The following TRAF6 variants were observed in gnomAD, a reference collection of about 807,000 sequenced individuals.
TRAF6 encodes the protein TNF receptor associated factor 6, also known as TNF receptor-associated factor 6.
In TRAF6, 10 loss-of-function variants were observed where a neutral mutation model predicts 48.4. The observed-to-expected ratio is 0.21, with a 90% confidence interval of 0.13 to 0.35. TRAF6 has a LOEUF of 0.35. Ranked by LOEUF, TRAF6 falls within the 10% of genes least tolerant of loss-of-function variation. The pLI is 1.00. For synonymous variants in TRAF6, 186 were observed against 219.6 expected (o/e 0.85, Z 1.35); for missense variants, 397 against 661.0 (o/e 0.60, Z 4.38).
Position 36,493,764 on chromosome 11 carries a change from CA to C in TRAF6, c.679-1137del, listed in dbSNP as rs528610046. Reference sequence around the variant, plus strand: ...ATGGTTTCCTTTAAATGTTAAAAGACAGCAAAAAGGAAAACGAGTTAGGACT... The same window carrying C: ...ATGGTTTCCTTTAAATGTTAAAAGACGCAAAAAGGAAAACGAGTTAGGACT... On this transcript the variant is annotated intron_variant, in intron 5 of 6. Coordinates refer to ENST00000526995, the MANE Select transcript of TRAF6 (RefSeq NM_004620.4). Among the ~76,000 whole-genome samples the C allele has an allele frequency of 1.6e-3, 244 of 152,184 alleles. 2 individuals are homozygous for C. Among genetic ancestry groups the C allele is most frequent in the African/African-American group, 5.6e-3 (231 of 41,528 alleles).
chr11:36,505,944 C>T (rs1859778649), intron 1 of TRAF6, among the ~76,000 whole-genome samples: 1 of 152,096 alleles, frequency 6.6e-6, no homozygotes, highest in Non-Finnish European at 1.5e-5. Context: ...GGTGCATGTA[C>T]TCCAAAACAA....
At chr11:36,493,697 G>A (rs575813990) in intron 5 of TRAF6, among the ~76,000 whole-genome samples, 15 of 152,198 alleles carry the variant, frequency 9.9e-5, no homozygotes, top group Admixed American at 3.9e-4. Context: ...TTAGCCTAGG[G>A]TTTTTTCTTG....
intron 3 of TRAF6, 32 bp downstream of exon 3, chr11:36,498,458 A>G: frequency 6.3e-7 from 1 of 1,588,124 alleles, no homozygotes; most frequent in Admixed American, 1.8e-5. Context: ...CCTTTTATAC[A>G]TGTGCTAACA....
intron 1 of TRAF6, among the ~76,000 whole-genome samples, chr11:36,504,117 TGTTGATGGCTGTTGACTGATCAG>T (rs1432419723): frequency 1.3e-5 from 2 of 152,180 alleles, no homozygotes. Flanking sequence ...CCTGCGTCAA[TGTTGATGGCTGTTGACTGATCAG>T]GTTGGTGGCT....
At chr11:36,508,841 G>C (rs753246446) in intron 1 of TRAF6, among the ~76,000 whole-genome samples, 1 of 152,168 alleles carries the variant, frequency 6.6e-6, no homozygotes, top group Non-Finnish European at 1.5e-5. Flanking sequence ...TCTGCTCCAG[G>C]AGGCAAGGAT....
rs753514303 is a variant in TRAF6 at position 36,489,894 on chromosome 11, T to C, written c.1513A>G (p.Met505Val). The C allele has an allele frequency of 1.1e-5, 18 of 1,614,210 alleles. No homozygotes were observed. The highest frequency in any genetic ancestry group is 2.2e-5 in the East Asian group (1 of 44,878). ...AAACCCTCCCTCCGAAGGCTACCCA[T>C]GTCAAAGCGGGTGGAGACCTCACAG... is the stretch of plus-strand genomic sequence containing the variant. ...VRCEVSTRFD[M>V]GSLRREGFQP... Residue 505 changes from methionine to valine, a missense_variant, in exon 7 of 7, where the codon ATG becomes GTG. This residue lies in a region of TRAF6 where 74 missense variants were observed against 198.9 expected (regional missense o/e 0.37). Coordinates refer to ENST00000526995, the MANE Select transcript of TRAF6 (RefSeq NM_004620.4).
At chr11:36,495,125 A>T (rs972398248) in intron 4 of TRAF6, 78 bp from the exon 5 acceptor site, 1 of 1,060,436 alleles carries the variant, frequency 9.4e-7, no homozygotes, top group Non-Finnish European at 1.4e-6. Context: ...GATAAAAAGC[A>T]ATTTTTCACT....
Position 36,483,972 on chromosome 11 carries a change from AAAGTT to A in TRAF6, c.*5861_*5865del, listed in dbSNP as rs1319102968. On this transcript the variant is annotated 3_prime_UTR_variant, in exon 7 of 7. Transcript: ENST00000526995. ...TGCAACCAGTACTGAGACATGACATAAAGTTAAAACTCCAGGTGCCTTTTTGAGAT... is the reference window on the plus strand; with the variant it reads ...TGCAACCAGTACTGAGACATGACATAAAAACTCCAGGTGCCTTTTTGAGAT... 6.6e-6 allele frequency among the ~76,000 whole-genome samples: 1 copy of A among 152,200 alleles called. No homozygotes were observed. Among genetic ancestry groups the A allele is most frequent in the African/African-American group, 2.4e-5 (1 of 41,448 alleles).
At chr11:36,498,716 T>C (rs1322050185) in intron 2 of TRAF6, 76 bp from the exon 3 acceptor site, 3 of 1,425,602 alleles carry the variant, frequency 2.1e-6, no homozygotes, top group African/African-American at 2.9e-5. Context: ...ATTCACCATA[T>C]ATAAATTCTC....
At chr11:36,508,872 A>G (rs1000187526) in intron 1 of TRAF6, among the ~76,000 whole-genome samples, 1 of 152,216 alleles carries the variant, frequency 6.6e-6, no homozygotes, top group African/African-American at 2.4e-5. Context: ...CTCCAAATCT[A>G]AGTGTCCAAA....
chr11:36,490,062 T>G lies in TRAF6; in HGVS notation c.1345A>C (p.Ile449Leu). 6.2e-7 allele frequency: 1 copy of G among 1,614,226 alleles called. No individual in the cohort carries two copies. Among genetic ancestry groups the G allele is most frequent in the Non-Finnish European group, 8.5e-7 (1 of 1,180,050 alleles). Residue 449 changes from isoleucine to leucine, a missense_variant, in exon 7 of 7, where the codon ATA (isoleucine) becomes CTA (leucine). Around this residue, in one of 4 missense-constraint regions of TRAF6, gnomAD observed 74 missense variants for 198.9 expected, o/e 0.37. Transcript: ENST00000526995. This position sits in a 1 kb window ranked among gnomAD's most constrained non-coding sequence, Gnocchi z 6.4. ...EAPVRQNHEE[I>L]MDAKPELLAF... is the part of the protein sequence containing the mutation. ...AGCAGCTCTGGTTTGGCATCCATTA[T>G]CTCTTCGTGGTTTTGCCTTACAGGT... is the stretch of plus-strand genomic sequence containing the variant.
In TRAF6 at chr11:36,485,010, A is replaced by C. The variant is rs537783325; in HGVS notation, c.*4828T>G. On this transcript the variant is annotated 3_prime_UTR_variant, in exon 7 of 7. Transcript: ENST00000526995. ...AGTTCCCCCAAAGAACTTAAGACAA[A>C]TTGATTAAAGTTGTTCAGTTATTTT... 6.4e-4 allele frequency among the ~76,000 whole-genome samples: 97 copies of C among 152,342 alleles called. 1 individual carries two copies. The highest frequency in any genetic ancestry group is 2.2e-3 in the African/African-American group (91 of 41,544).
intron 1 of TRAF6, among the ~76,000 whole-genome samples, chr11:36,508,715 T>C (rs979821943): frequency 1.3e-5 from 2 of 152,208 alleles, no homozygotes; most frequent in Non-Finnish European, 2.9e-5. Flanking sequence ...ATTTCTAAAG[T>C]GTGAAGACCT....
chr11:36,502,595 G>A lies in TRAF6; in HGVS notation c.-22-1058C>T, dbSNP rs551518215. On this transcript the variant is annotated intron_variant, in intron 1 of 6. Coordinates refer to ENST00000526995, the MANE Select transcript of TRAF6 (RefSeq NM_004620.4). ...TTCCTGGCTGCCACTTCACCAAATC[G>A]AGGATTAAGACAGTAGTACTCAATC... is the stretch of plus-strand genomic sequence containing the variant. Among the ~76,000 whole-genome samples the A allele has an allele frequency of 4.3e-4, 65 of 152,080 alleles. 1 individual carries two copies. Among genetic ancestry groups the A allele is most frequent in the Middle Eastern group, 3.4e-3 (1 of 294 alleles).
At chr11:36,506,594 G>T (rs1008119178) in intron 1 of TRAF6, among the ~76,000 whole-genome samples, 2 of 152,110 alleles carry the variant, frequency 1.3e-5, no homozygotes, top group African/African-American at 4.8e-5. Flanking sequence ...TCTATACACT[G>T]CCTGCTTCCA....
At position 36,492,600 on chromosome 11, in the gene TRAF6, G is replaced by C. The variant is rs1356662734; in HGVS notation, c.707C>G (p.Pro236Arg). The change falls in exon 6 of 7, where the codon CCT (proline) becomes CGT (arginine). Residue 236 changes from proline (P) to arginine (R), a missense_variant. Pro to Arg is a moderately radical substitution (Grantham distance 103). This residue lies in a region of TRAF6 where 245 missense variants were observed against 349.1 expected (regional missense o/e 0.70). Transcript: ENST00000526995. ...GAATGTGCATGGAATTGGGGCTGTA[G>C]GGCAGTCTAGATCATAATGATTAGG... is the stretch of plus-strand genomic sequence containing the variant. ...QMPNHYDLDC[P>R]TAPIPCTFST... 1 of 1,612,328 alleles carries C rather than the reference G, an allele frequency of 6.2e-7. No individual in the cohort carries two copies. The highest frequency in any genetic ancestry group is 1.1e-5 in the South Asian group (1 of 90,432).
intron 1 of TRAF6, among the ~76,000 whole-genome samples, chr11:36,507,098 CGTGTATATAT>C (rs1284929454): frequency 6.8e-6 from 1 of 147,512 alleles, no homozygotes; most frequent in African/African-American, 2.5e-5. Flanking sequence ...AATGTATATA[CGTGTATATAT>C]GTATATATAC....
rs1859482963 is a variant in TRAF6 at position 36,486,316 on chromosome 11, G to A, written c.*3522C>T. On this transcript the variant is annotated 3_prime_UTR_variant, in exon 7 of 7. Coordinates refer to ENST00000526995, the MANE Select transcript of TRAF6 (RefSeq NM_004620.4). Reference sequence around the variant, plus strand: ...CACCTCCCAAAGTGCTGGGATTATAGGCGTGAGCCACCGTGCCCAGCCTAA... The same window carrying A: ...CACCTCCCAAAGTGCTGGGATTATAAGCGTGAGCCACCGTGCCCAGCCTAA... Among the ~76,000 whole-genome samples, 1 of 152,164 alleles carries A rather than the reference G, an allele frequency of 6.6e-6. No individual in the cohort carries two copies. The highest frequency in any genetic ancestry group is 2.1e-4 in the South Asian group (1 of 4,834).
rs139488209 is a variant in TRAF6 at position 36,494,493 on chromosome 11, T to C, written c.678+483A>G. ...CTACAGGTCCTAAAAATCTGAAAAC[T>C]TCCCTGTATGCCTCAGGGATTACAG... On this transcript the variant is annotated intron_variant, in intron 5 of 6. Coordinates refer to ENST00000526995, the MANE Select transcript of TRAF6 (RefSeq NM_004620.4). 1.8e-3 allele frequency among the ~76,000 whole-genome samples: 277 copies of C among 152,302 alleles called. 1 individual carries two copies. The highest frequency in any genetic ancestry group is 6.4e-3 in the African/African-American group (267 of 41,580).
Sources: gnomAD v4.1 joint callset for allele counts (sites outside exome capture counted in the v4.1 genomes callset) on GRCh38, gnomAD v4.1.1 for gene constraint, gnomAD v4.1.1 regional missense constraint, Gnocchi (gnomAD v3.1) non-coding constraint, MANE v1.5 for transcripts, NCBI Gene and HGNC (gene_info 2026-07-23, HGNC 2026-07-21) for gene names.